Variants in IL31RA observed in about 807,000 individuals in gnomAD.
The protein encoded by IL31RA is interleukin-31 receptor subunit alpha.
A neutral mutation model predicts 83.7 loss-of-function variants in IL31RA; 66 were observed. The observed-to-expected ratio is 0.79, with a 90% CI of 0.65 to 0.97. The LOEUF (loss-of-function observed/expected upper bound fraction) is 0.97. Among genes scored for constraint, IL31RA ranks in the 50% least tolerant of loss-of-function variants. The probability of loss-of-function intolerance (pLI) is 0.00; values close to 1 mark genes in which losing one functional copy is unlikely to be tolerated. For synonymous variants in IL31RA, 325 were observed against 329.0 expected (o/e 0.99, Z 0.13); for missense variants, 798 against 919.4 (o/e 0.87, Z 1.71).
At chr5:55,907,590 G>A in intron 10 of IL31RA, 130 bp downstream of exon 10, 2 of 713,122 alleles carry the variant, frequency 2.8e-6, no homozygotes, top group Non-Finnish European at 2.6e-6. Context: ...CTTGTAGTGA[G>A]CTCTGTATGT....
chr5:55,922,358 G>A lies in IL31RA; in HGVS notation c.*5238G>A. The A allele has an allele frequency of 6.5e-7, 1 of 1,538,962 alleles. No homozygotes were observed. The highest frequency in any genetic ancestry group is 8.8e-7 in the Non-Finnish European group (1 of 1,136,066). ...CAGCAATGCTCTCGTGGCTGTTCAA[G>A]GGAAGTGAGATACTTGTACTATGCA... On this transcript the variant is annotated 3_prime_UTR_variant, in exon 15 of 15. Transcript: ENST00000652347.
chr5:55,891,852 C>T (rs60144905), intron 6 of IL31RA, among the ~76,000 whole-genome samples: 7,047 of 142,530 alleles, frequency 0.049, 310 homozygotes, highest in African/African-American at 0.12. Flanking sequence ...CTCCGCTCAC[C>T]GCAAGCTCCG....
intron 4 of IL31RA, 109 bp from the exon 5 acceptor site, chr5:55,882,935 A>T: frequency 9.8e-7 from 1 of 1,023,824 alleles, no homozygotes; most frequent in Non-Finnish European, 1.5e-6. Flanking sequence ...TCTTCGTTCC[A>T]TATAGCAGAC....
chr5:55,873,332 T>C (rs1397513475), intron 4 of IL31RA, among the ~76,000 whole-genome samples: 1 of 152,188 alleles, frequency 6.6e-6, no homozygotes, highest in Non-Finnish European at 1.5e-5. Context: ...GGCTTGTTGC[T>C]ACCTTTTGAT....
At position 55,868,602 on chromosome 5, in the gene IL31RA, A is replaced by C. The variant is rs569889452; in HGVS notation, c.155-189A>C. 4.6e-5 allele frequency among the ~76,000 whole-genome samples: 7 copies of C among 152,344 alleles called. No homozygotes were observed. The South Asian group carries it at 1.5e-3, about 32-fold the overall frequency. On this transcript the variant is annotated intron_variant, in intron 2 of 14. Transcript: ENST00000652347. ...TAAAAAGTAGAAATCTAGCTCTTGA[A>C]AGGGAATAATTAAAGAGATGAAGTT...
chr5:55,862,125 G>A (rs894352347), intron 2 of IL31RA, among the ~76,000 whole-genome samples: 4 of 152,154 alleles, frequency 2.6e-5, no homozygotes, highest in African/African-American at 9.7e-5. Flanking sequence ...AGGGAATAGG[G>A]AAAGAAAGAT....
rs573244777 is a variant in IL31RA at position 55,872,549 on chromosome 5, T to A, written c.454+98T>A. On this transcript the variant is annotated intron_variant, in intron 4 of 14. Coordinates refer to ENST00000652347, the MANE Select transcript of IL31RA (RefSeq NM_139017.7). ...TGGACTCAAAAGTAGGCTCATCAAG[T>A]TCAAGGATATGTGTTGTGGGTATAC... 1.3e-5 allele frequency: 9 copies of A among 708,258 alleles called. No homozygotes were observed. In the South Asian group the frequency reaches 1.4e-4, roughly 11 times the overall value. The allele number at this position is 708,258 out of a possible 1,614,324, so 43.9% of individuals were successfully genotyped here. A position where few individuals can be genotyped will look rare whatever the true frequency, so the allele number is the denominator to read the frequency against.
chr5:55,915,762 T>G (rs1749749596), intron 14 of IL31RA, among the ~76,000 whole-genome samples: 1 of 152,216 alleles, frequency 6.6e-6, no homozygotes, highest in Non-Finnish European at 1.5e-5. Flanking sequence ...TAAATGTCAT[T>G]TAGAGAGTAA....
At chr5:55,897,921 GC>G (rs2112512343) in intron 7 of IL31RA, among the ~76,000 whole-genome samples, 1 of 152,322 alleles carries the variant, frequency 6.6e-6, no homozygotes, top group South Asian at 2.1e-4. Context: ...TGAAAATGGA[GC>G]AAGTGTCCTG....
chr5:55,906,403 C>A, intron 9 of IL31RA, 115 bp downstream of exon 9: 2 of 943,622 alleles, frequency 2.1e-6, no homozygotes, highest in Non-Finnish European at 3.3e-6. Context: ...TAGCATTTGT[C>A]AAGCTTGTGC....
chr5:55,910,691 C>T lies in IL31RA; in HGVS notation c.1642+19C>T, dbSNP rs750376961. On this transcript the variant is annotated intron_variant, in intron 12 of 14. Coordinates refer to ENST00000652347, the MANE Select transcript of IL31RA (RefSeq NM_139017.7). ...TCATTCAGTGAGTATTTCCTTCAAG[C>T]CTTAGGTACCTCTCCCTCACGTTTA... 6.2e-7 allele frequency: 1 copy of T among 1,613,224 alleles called. No homozygotes were observed. Among genetic ancestry groups the T allele is most frequent in the South Asian group, 1.1e-5 (1 of 91,050 alleles).
intron 14 of IL31RA, among the ~76,000 whole-genome samples, chr5:55,916,432 G>T (rs1367080318): frequency 6.6e-6 from 1 of 151,668 alleles, no homozygotes; most frequent in Non-Finnish European, 1.5e-5. Flanking sequence ...AAAATTGTTT[G>T]AATCCAGGGC....
At chr5:55,913,927 G>A (rs1224350791) in intron 13 of IL31RA, among the ~76,000 whole-genome samples, 2 of 152,200 alleles carry the variant, frequency 1.3e-5, no homozygotes, top group Non-Finnish European at 2.9e-5. Flanking sequence ...GCAGCAAGAG[G>A]CCTTCTTGCG....
intron 7 of IL31RA, among the ~76,000 whole-genome samples, chr5:55,899,150 C>T (rs1473475010): frequency 1.3e-5 from 2 of 152,118 alleles, no homozygotes; most frequent in Non-Finnish European, 2.9e-5. Flanking sequence ...AATTCCTGAA[C>T]TGGGAAGGCA....
At chr5:55,904,608 G>A (rs1749019886) in intron 8 of IL31RA, among the ~76,000 whole-genome samples, 1 of 152,188 alleles carries the variant, frequency 6.6e-6, no homozygotes, top group Non-Finnish European at 1.5e-5. Context: ...TTTTCAGGTT[G>A]ACAACTTACC....
At chr5:55,878,055 T>C (rs1273896983) in intron 4 of IL31RA, among the ~76,000 whole-genome samples, 3 of 152,226 alleles carry the variant, frequency 2.0e-5, no homozygotes, top group African/African-American at 7.2e-5. Context: ...CTCAATACTT[T>C]CAGTTGTTCT....
intron 1 of IL31RA, among the ~76,000 whole-genome samples, chr5:55,858,402 T>C (rs1220689096): frequency 3.9e-5 from 6 of 152,236 alleles, no homozygotes; most frequent in Non-Finnish European, 8.8e-5. Context: ...AGTGTTATAG[T>C]TATTTTTAAA....
intron 4 of IL31RA, among the ~76,000 whole-genome samples, chr5:55,881,057 C>T (rs1010648217): frequency 1.3e-5 from 2 of 152,100 alleles, no homozygotes; most frequent in East Asian, 3.9e-4. Flanking sequence ...AATCTCAGCA[C>T]TTTGGGAGCC....
At chr5:55,856,309 G>A (rs1411985444) in intron 1 of IL31RA, among the ~76,000 whole-genome samples, 3 of 152,194 alleles carry the variant, frequency 2.0e-5, no homozygotes, top group African/African-American at 7.2e-5. Flanking sequence ...ATTTTATAGA[G>A]CTCTGCTAAA....
Sources: allele counts gnomAD v4.1 joint callset (sites outside exome capture counted in the v4.1 genomes callset), GRCh38; gene constraint gnomAD v4.1.1; transcripts MANE v1.5; gene names NCBI Gene and HGNC (gene_info 2026-07-23, HGNC 2026-07-21).